Variants in ENOX2 observed in about 807,000 individuals in gnomAD.
ENOX2 encodes the protein APK1 antigen.
ENOX2 carries 36 observed loss-of-function variants against 45.0 expected under a neutral mutation model. The observed-to-expected ratio is 0.80, with a 90% CI of 0.61 to 1.06. The LOEUF is 1.06. Ranked by LOEUF, ENOX2 falls within the 50% of genes least tolerant of loss-of-function variation. ENOX2 has a pLI of 0.00. For missense variants in ENOX2, 423 were observed against 462.5 expected, an observed-to-expected ratio of 0.91 and a Z score of 0.78; for synonymous variants, 174 against 152.3, an observed-to-expected ratio of 1.14 and a Z score of -1.05.
chrX:130,654,833 T>G (rs1035791327), intron 10 of ENOX2, among the ~76,000 whole-genome samples: 4 of 112,257 alleles, frequency 3.6e-5, no homozygotes, highest in Non-Finnish European at 1.9e-5. Context: ...TTCTGTGCAG[T>G]AGCCAATACA....
At chrX:130,720,150 T>C (rs2038438427) in intron 3 of ENOX2, among the ~76,000 whole-genome samples, 1 of 112,441 alleles carries the variant, frequency 8.9e-6, no homozygotes, top group South Asian at 3.7e-4. Flanking sequence ...TGGCTAAACA[T>C]GGCCCCCAAT....
In ENOX2 at chrX:130,624,393, T is replaced by C. The variant is rs1316307224; in HGVS notation, c.*921A>G. 1.8e-5 allele frequency: 2 copies of C among 112,831 alleles called. No homozygotes were observed. The highest frequency in any genetic ancestry group is 6.5e-5 in the African/African-American group (2 of 30,978). 9.3% of individuals were successfully genotyped at this position (112,831 alleles called of 1,213,427 possible). Reference sequence around the variant, plus strand: ...ATTTACAGCAGTACTCGGTTTGCAATTCAACACACTGACAACAGAAGCAAA... The same window carrying C: ...ATTTACAGCAGTACTCGGTTTGCAACTCAACACACTGACAACAGAAGCAAA... On this transcript the variant is annotated 3_prime_UTR_variant, in exon 15 of 15. Coordinates refer to ENST00000394363, the MANE Select transcript of ENOX2 (RefSeq NM_006375.4).
At chrX:130,757,756 CAG>C (rs2039387029) in intron 3 of ENOX2, among the ~76,000 whole-genome samples, 1 of 108,515 alleles carries the variant, frequency 9.2e-6, no homozygotes, top group Admixed American at 9.8e-5. Flanking sequence ...TTTTGTAAGA[CAG>C]GGTCTCACTC....
chrX:130,725,841 C>T (rs1286764034), intron 3 of ENOX2, among the ~76,000 whole-genome samples: 4 of 111,363 alleles, frequency 3.6e-5, no homozygotes, highest in Non-Finnish European at 7.5e-5. Context: ...ACACCAGTTG[C>T]AAAGCTCCTT....
At chrX:130,849,614 G>A (rs1436497962) in intron 2 of ENOX2, among the ~76,000 whole-genome samples, 1 of 112,143 alleles carries the variant, frequency 8.9e-6, no homozygotes, top group Non-Finnish European at 1.9e-5. Flanking sequence ...CAAGCATTGG[G>A]CTGGTCATGG....
At chrX:130,766,535 G>T (rs1490481260) in intron 3 of ENOX2, among the ~76,000 whole-genome samples, 1 of 111,655 alleles carries the variant, frequency 9.0e-6, no homozygotes, top group Non-Finnish European at 1.9e-5. Context: ...TTCAAGGTTA[G>T]GAAGATATTC....
intron 2 of ENOX2, among the ~76,000 whole-genome samples, chrX:130,838,724 T>A (rs1276865052): frequency 2.7e-5 from 3 of 111,739 alleles, no homozygotes; most frequent in Non-Finnish European, 5.7e-5. Context: ...CAGAGTAGAC[T>A]GTTCCTTAAT....
intron 2 of ENOX2, among the ~76,000 whole-genome samples, chrX:130,844,684 G>A (rs917837717): frequency 6.3e-5 from 7 of 111,879 alleles, no homozygotes; most frequent in African/African-American, 2.3e-4. Flanking sequence ...TTTGGAATAA[G>A]GCTTACTAAA....
intron 3 of ENOX2, among the ~76,000 whole-genome samples, chrX:130,764,522 GGAAAA>G (rs1450224326): frequency 9.3e-6 from 1 of 107,601 alleles, no homozygotes; most frequent in Non-Finnish European, 1.9e-5. Context: ...TTTGATGGTG[GGAAAA>G]GAAGAGTGTG....
intron 2 of ENOX2, among the ~76,000 whole-genome samples, chrX:130,880,873 T>A (rs746683952): frequency 8.0e-5 from 9 of 112,264 alleles, no homozygotes; most frequent in African/African-American, 2.3e-4. Context: ...ATTTGTCAAA[T>A]CCCTTCTGAG....
At chrX:130,721,681 G>C (rs1375478718) in intron 3 of ENOX2, among the ~76,000 whole-genome samples, 1 of 111,681 alleles carries the variant, frequency 9.0e-6, no homozygotes, top group Non-Finnish European at 1.9e-5. Flanking sequence ...GGACACAGTG[G>C]GGCAGCACTG....
intron 6 of ENOX2, among the ~76,000 whole-genome samples, chrX:130,672,174 T>C (rs1323376941): frequency 9.0e-6 from 1 of 111,684 alleles, no homozygotes; most frequent in African/African-American, 3.3e-5. Flanking sequence ...AATGTCTAAG[T>C]TGAAAAAAAC....
intron 3 of ENOX2, among the ~76,000 whole-genome samples, chrX:130,738,027 T>A (rs1310615108): frequency 8.9e-6 from 1 of 111,821 alleles, no homozygotes; most frequent in African/African-American, 3.3e-5. Flanking sequence ...GATTAAGTGA[T>A]TTGTTCAAGG....
intron 2 of ENOX2, among the ~76,000 whole-genome samples, chrX:130,832,824 A>G (rs1382787228): frequency 9.0e-6 from 1 of 110,877 alleles, no homozygotes; most frequent in Non-Finnish European, 1.9e-5. Flanking sequence ...TGTAGAAAGC[A>G]TATCTGCCTT....
intron 3 of ENOX2, among the ~76,000 whole-genome samples, chrX:130,759,227 C>T (rs1201099635): frequency 9.0e-6 from 1 of 110,726 alleles, no homozygotes; most frequent in Non-Finnish European, 1.9e-5. Context: ...TATATTTTTA[C>T]AGGAGTAAGG....
intron 3 of ENOX2, among the ~76,000 whole-genome samples, chrX:130,764,115 T>G (rs1389317178): frequency 1.8e-5 from 2 of 110,998 alleles, no homozygotes; most frequent in African/African-American, 6.6e-5. Context: ...CCAAAAAACT[T>G]GAGGAATGTC....
chrX:130,798,405 G>T (rs1468036863), intron 2 of ENOX2, among the ~76,000 whole-genome samples: 1 of 112,487 alleles, frequency 8.9e-6, no homozygotes, highest in African/African-American at 3.2e-5. Context: ...ATTTTTTAAA[G>T]TTCAAACCAG....
chrX:130,670,914 A>G (rs1286571162), intron 6 of ENOX2, among the ~76,000 whole-genome samples: 2 of 111,619 alleles, frequency 1.8e-5, no homozygotes, highest in Non-Finnish European at 3.8e-5. Context: ...TCTTAAAAAA[A>G]GTGGGGAAAA....
chrX:130,656,493 G>A, intron 10 of ENOX2, 88 bp downstream of exon 10: 1 of 564,584 alleles, frequency 1.8e-6, no homozygotes, highest in South Asian at 2.8e-5. Context: ...ATAGGTTGAT[G>A]GCCATACCTT....
Sources: gnomAD v4.1 joint callset for allele counts (sites outside exome capture counted in the v4.1 genomes callset) on GRCh38, gnomAD v4.1.1 for gene constraint, MANE v1.5 for transcripts, NCBI Gene and HGNC (gene_info 2026-07-23, HGNC 2026-07-21) for gene names.